The following CPA6 variants were observed in gnomAD, a reference collection of about 807,000 sequenced individuals.
CPA6 encodes carboxypeptidase A6.
CPA6 carries 58 observed loss-of-function variants against 63.3 expected under a neutral mutation model. That is an observed-to-expected ratio of 0.92 (90% CI 0.74 to 1.14). The LOEUF (loss-of-function observed/expected upper bound fraction) is 1.14. CPA6 is among the 50% of genes most tolerant of loss of function. CPA6 has a pLI of 0.00. For missense variants in CPA6, 565 were observed against 526.6 expected (o/e 1.07, Z -0.71); for synonymous variants, 185 against 179.0 (o/e 1.03, Z -0.27).
At chr8:67,663,642 G>A (rs775703728) in intron 1 of CPA6, among the ~76,000 whole-genome samples, 8 of 152,134 alleles carry the variant, frequency 5.3e-5, no homozygotes, top group African/African-American at 9.6e-5. Context: ...CTCTTCCCGC[G>A]TTAGTTGGCT....
At chr8:67,729,532 G>C (rs1817666936) in intron 1 of CPA6, among the ~76,000 whole-genome samples, 1 of 152,138 alleles carries the variant, frequency 6.6e-6, no homozygotes. Context: ...TTCCCCCAAA[G>C]AGAGTACAGC....
chr8:67,512,036 C>T (rs1375588149), intron 3 of CPA6, among the ~76,000 whole-genome samples: 2 of 152,078 alleles, frequency 1.3e-5, no homozygotes, highest in Non-Finnish European at 2.9e-5. Context: ...GCCCTATAGT[C>T]TATGTGGTAG....
intron 8 of CPA6, among the ~76,000 whole-genome samples, chr8:67,475,826 T>C (rs199817128): frequency 0.062 from 2,829 of 45,916 alleles, 154 homozygotes; most frequent in African/African-American, 0.16. Flanking sequence ...TCCTTTCTTT[T>C]CTTTCTTTCT....
At chr8:67,459,449 T>C (rs1359535292) in intron 8 of CPA6, among the ~76,000 whole-genome samples, 2 of 152,182 alleles carry the variant, frequency 1.3e-5, no homozygotes, top group Non-Finnish European at 2.9e-5. Flanking sequence ...AGGAATGAGC[T>C]ATCGAGCAAT....
At chr8:67,607,251 T>TCTCCTCCTCCTC (rs1307098146) in intron 2 of CPA6, among the ~76,000 whole-genome samples, 1,243 of 80,964 alleles carry the variant, frequency 0.015, 124 homozygotes, top group Middle Eastern at 0.035. Context: ...TTCTTCTTCT[T>TCTCCTCCTCCTC]CTCCTCCTCC....
chr8:67,694,255 T>C (rs1282561137), intron 1 of CPA6, among the ~76,000 whole-genome samples: 3 of 152,200 alleles, frequency 2.0e-5, no homozygotes, highest in East Asian at 3.9e-4. Flanking sequence ...GGGATGCTGT[T>C]TGGAGCCTTT....
intron 1 of CPA6, among the ~76,000 whole-genome samples, chr8:67,656,332 T>C (rs1422466678): frequency 6.6e-6 from 1 of 152,186 alleles, no homozygotes; most frequent in East Asian, 1.9e-4. Flanking sequence ...GTAGTTTCTA[T>C]TTGAGACATC....
At chr8:67,629,298 C>T (rs991544721) in intron 1 of CPA6, among the ~76,000 whole-genome samples, 7 of 151,532 alleles carry the variant, frequency 4.6e-5, no homozygotes, top group African/African-American at 7.3e-5. Context: ...GAGACCCTGT[C>T]TCCGCAAAAA....
At chr8:67,422,766 A>G (rs1809797092) in intron 10 of CPA6, 75 bp from the exon 11 acceptor site, 12 of 1,081,082 alleles carry the variant, frequency 1.1e-5, no homozygotes, top group Non-Finnish European at 1.5e-5. Context: ...TATATACTAT[A>G]AAGTATCCGC....
At chr8:67,655,257 T>C (rs1340848270) in intron 1 of CPA6, among the ~76,000 whole-genome samples, 1 of 152,108 alleles carries the variant, frequency 6.6e-6, no homozygotes, top group Non-Finnish European at 1.5e-5. Flanking sequence ...CAAATTTATA[T>C]ACTGGGAAAA....
At chr8:67,578,386 A>G (rs1207073611) in intron 2 of CPA6, among the ~76,000 whole-genome samples, 1 of 152,220 alleles carries the variant, frequency 6.6e-6, no homozygotes, top group Non-Finnish European at 1.5e-5. Flanking sequence ...ATGTAACACA[A>G]TCACCTTCCC....
rs141876063 is a variant in CPA6, at chr8:67,648,694, T to A, written c.117-24443A>T. On this transcript the variant is annotated intron_variant, in intron 1 of 10. Coordinates refer to ENST00000297770, the MANE Select transcript of CPA6 (RefSeq NM_020361.5). The stretch of plus-strand genomic sequence containing the variant: ...AAGAATTTTTATTTGAAACTTTTCA[T>A]GCAGAATTTTGTTTTTCTTTTGGTG... Among the ~76,000 whole-genome samples, 724 of 152,348 alleles carry A rather than the reference T, an allele frequency of 4.8e-3. 2 individuals are homozygous for A. The highest frequency in any genetic ancestry group is 6.4e-3 in the Non-Finnish European group (435 of 68,036).
At chr8:67,547,474 A>T (rs1812842605) in intron 2 of CPA6, among the ~76,000 whole-genome samples, 1 of 151,536 alleles carries the variant, frequency 6.6e-6, no homozygotes, top group South Asian at 2.1e-4. Context: ...AACTTTCTAC[A>T]CTATTAACAA....
chr8:67,718,979 G>A (rs537016266), intron 1 of CPA6, among the ~76,000 whole-genome samples: 1 of 152,158 alleles, frequency 6.6e-6, no homozygotes, highest in South Asian at 2.1e-4. Context: ...CTATCTTCCT[G>A]TTTGAACCTT....
intron 1 of CPA6, among the ~76,000 whole-genome samples, chr8:67,695,287 G>T (rs559033280): frequency 1.3e-5 from 2 of 152,250 alleles, no homozygotes; most frequent in African/African-American, 2.4e-5. Context: ...ACCAGGCCTG[G>T]CCTGACTATA....
rs3395 is a variant in CPA6, at chr8:67,422,176, T to C, written c.*328A>G. The C allele has an allele frequency of 0.028, 5,914 of 208,222 alleles. 125 individuals carry two copies. The highest frequency in any genetic ancestry group is 0.041 in the Non-Finnish European group (4,264 of 104,338). The allele number at this position is 208,222 out of a possible 1,614,324, so 12.9% of individuals were successfully genotyped here. A position where few individuals can be genotyped will look rare whatever the true frequency, so the allele number is the denominator to read the frequency against. ...ACATCATTACTAGCCTAGATCCTAA[T>C]TGAGGACATGAGATTTATTGAAGGG... On this transcript the variant is annotated 3_prime_UTR_variant, in exon 11 of 11. Transcript: ENST00000297770.
intron 1 of CPA6, among the ~76,000 whole-genome samples, chr8:67,745,709 C>T (rs1460449564): frequency 2.0e-5 from 3 of 152,092 alleles, no homozygotes; most frequent in Non-Finnish European, 4.4e-5. Flanking sequence ...AAGCATCAAC[C>T]AAGGCAAACA....
chr8:67,475,784 T>TCCTTTCTTTCTTTC (rs375753158), intron 8 of CPA6, among the ~76,000 whole-genome samples: 16 of 59,226 alleles, frequency 2.7e-4, no homozygotes, highest in Middle Eastern at 8.5e-3. Context: ...TTTCTTTCTT[T>TCCTTTCTTTCTTTC]CTTTCTTTCT....
chr8:67,679,772 T>C (rs1050951423), intron 1 of CPA6, among the ~76,000 whole-genome samples: 1 of 152,240 alleles, frequency 6.6e-6, no homozygotes, highest in Non-Finnish European at 1.5e-5. Context: ...GAAATGCCTG[T>C]CTGCTATTTA....
Sources: allele counts gnomAD v4.1 joint callset (sites outside exome capture counted in the v4.1 genomes callset), GRCh38; gene constraint gnomAD v4.1.1; transcripts MANE v1.5; gene names NCBI Gene and HGNC (gene_info 2026-07-23, HGNC 2026-07-21).